The following MPPED2 variants were observed in gnomAD, a reference collection of about 807,000 sequenced individuals.
The protein encoded by MPPED2 is metallophosphoesterase domain containing 2.
In MPPED2, 5 loss-of-function variants were observed where a neutral mutation model predicts 33.0. The observed-to-expected ratio is 0.15, with a 90% CI of 0.08 to 0.32. The LOEUF is 0.32. Among genes scored for constraint, MPPED2 ranks in the 10% least tolerant of loss-of-function variants. The pLI is 1.00. For synonymous variants in MPPED2, 136 were observed against 141.9 expected (o/e 0.96, Z 0.29); for missense variants, 275 against 372.1 (o/e 0.74, Z 2.15).
At chr11:30,435,669 T>C (rs2133869449) in intron 4 of MPPED2, among the ~76,000 whole-genome samples, 1 of 152,260 alleles carries the variant, frequency 6.6e-6, no homozygotes, top group Non-Finnish European at 1.5e-5. Flanking sequence ...TCACATCCCT[T>C]CCCTAGACTG....
intron 2 of MPPED2, among the ~76,000 whole-genome samples, chr11:30,579,488 C>T (rs1239727602): frequency 6.6e-6 from 1 of 152,148 alleles, no homozygotes; most frequent in East Asian, 1.9e-4. Context: ...CTTCTGAAAG[C>T]CCAGCACATC....
intron 4 of MPPED2, among the ~76,000 whole-genome samples, chr11:30,428,077 C>T (rs1021510280): frequency 2.6e-5 from 4 of 152,086 alleles, no homozygotes; most frequent in East Asian, 3.9e-4. Flanking sequence ...AGCTGACATA[C>T]GGCCTGCCTT....
chr11:30,411,518 G>T lies in MPPED2; in HGVS notation c.835C>A (p.Pro279Thr). 1 of 1,614,018 alleles carries T rather than the reference G, an allele frequency of 6.2e-7. No individual in the cohort carries two copies. The highest frequency in any genetic ancestry group is 8.5e-7 in the Non-Finnish European group (1 of 1,179,900). ...NASTCTVSFQ[P>T]TNPPIIFDLP... ...TCAAATATAATTGGAGGGTTGGTCG[G>T]TTGAAAGCTGACTGTACACGTCGAG... The change falls in exon 7 of 7, where the codon CCG becomes ACG. Residue 279 changes from proline (P) to threonine (T), a missense_variant. Coordinates refer to ENST00000358117, the MANE Select transcript of MPPED2 (RefSeq NM_001584.3).
chr11:30,450,722 T>G (rs1950019071), intron 4 of MPPED2, among the ~76,000 whole-genome samples: 1 of 152,258 alleles, frequency 6.6e-6, no homozygotes, highest in South Asian at 2.1e-4. Context: ...TTTAAGAGTT[T>G]AACAGCATAT....
chr11:30,501,544 T>C (rs1952561397), intron 3 of MPPED2: 10 of 735,218 alleles, frequency 1.4e-5, no homozygotes, highest in Non-Finnish European at 1.7e-5. Flanking sequence ...ATCTCTGTCT[T>C]CCAGTATTTA....
intron 2 of MPPED2, among the ~76,000 whole-genome samples, chr11:30,540,596 A>G (rs1043364240): frequency 1.3e-5 from 2 of 152,164 alleles, no homozygotes; most frequent in Admixed American, 1.3e-4. Context: ...TATGACCTCC[A>G]TCTCTTTTTC....
intron 3 of MPPED2, among the ~76,000 whole-genome samples, chr11:30,512,673 A>T (rs1182930795): frequency 6.6e-6 from 1 of 152,034 alleles, no homozygotes; most frequent in Non-Finnish European, 1.5e-5. Context: ...TAGTTCCCAA[A>T]CCCGTTTGAT....
chr11:30,411,564 A>G lies in MPPED2; in HGVS notation c.789T>C (p.Gly263=). 1 of 1,613,616 alleles carries G rather than the reference A, an allele frequency of 6.2e-7. No homozygotes were observed. Among genetic ancestry groups the G allele is most frequent in the Non-Finnish European group, 8.5e-7 (1 of 1,179,628 alleles). ...TCGAGGCATTGATGTACGTTGTGTA[A>G]CCGTCGGTCATGATGCCATAACCTG... ...IHEGYGIMTD[G]YTTYINASTC... The change falls in exon 7 of 7, where the codon GGT becomes GGC. Residue 263 remains glycine (G), a synonymous_variant. Transcript: ENST00000358117.
chr11:30,560,208 A>C (rs201708372), intron 2 of MPPED2, among the ~76,000 whole-genome samples: 2 of 152,312 alleles, frequency 1.3e-5, no homozygotes, highest in East Asian at 3.9e-4. Flanking sequence ...GGAGAATCTT[A>C]CAATGACTTC....
intron 2 of MPPED2, among the ~76,000 whole-genome samples, chr11:30,571,289 G>A (rs1355861846): frequency 2.0e-5 from 3 of 151,724 alleles, no homozygotes; most frequent in Non-Finnish European, 4.4e-5. Flanking sequence ...CTGCAAAAAT[G>A]CATTTTCTTA....
At chr11:30,508,201 C>T (rs1342050154) in intron 3 of MPPED2, among the ~76,000 whole-genome samples, 3 of 152,100 alleles carry the variant, frequency 2.0e-5, no homozygotes, top group South Asian at 2.1e-4. Flanking sequence ...GTCTGCTGAA[C>T]GTTGTTCCAA....
chr11:30,479,422 A>C (rs1951377224), intron 4 of MPPED2, among the ~76,000 whole-genome samples: 1 of 152,132 alleles, frequency 6.6e-6, no homozygotes, highest in African/African-American at 2.4e-5. Flanking sequence ...AAGCAGAATA[A>C]TCTCTAGCAA....
intron 4 of MPPED2, chr11:30,429,401 T>C (rs992595950): frequency 6.6e-6 from 1 of 152,188 alleles, no homozygotes; most frequent in South Asian, 2.1e-4. Context: ...ATCTACCATT[T>C]TGGCTCTAAA....
chr11:30,388,821 A>T, exon 7 of MPPED2: 1 of 1,470,068 alleles, frequency 6.8e-7, no homozygotes, highest in Non-Finnish European at 9.0e-7. Context: ...TCATGCCAGG[A>T]TTGTAGCTCA....
intron 2 of MPPED2, among the ~76,000 whole-genome samples, chr11:30,538,685 G>A (rs1954938168): frequency 6.6e-6 from 1 of 152,064 alleles, no homozygotes; most frequent in South Asian, 2.1e-4. Context: ...TTTCTTCTCA[G>A]CTTTGAGTCC....
Position 30,545,122 on chromosome 11 carries a change from G to A in MPPED2, c.129-8947C>T, listed in dbSNP as rs144577027. 3.4e-3 allele frequency among the ~76,000 whole-genome samples: 517 copies of A among 152,250 alleles called. 1 individual carries two copies. Among genetic ancestry groups the A allele is most frequent in the African/African-American group, 9.6e-3 (397 of 41,544 alleles). On this transcript the variant is annotated intron_variant, in intron 2 of 6. Coordinates refer to ENST00000358117, the MANE Select transcript of MPPED2 (RefSeq NM_001584.3). ...CTCAGGGAGTCAGACTATGGGGCTT[G>A]AACCTGGAGGGCATGGAAAACATCT...
At chr11:30,487,560 C>A (rs888016295) in intron 4 of MPPED2, among the ~76,000 whole-genome samples, 6 of 152,172 alleles carry the variant, frequency 3.9e-5, no homozygotes, top group African/African-American at 1.4e-4. Flanking sequence ...CGGCTCATTG[C>A]AACATCGACC....
chr11:30,502,701 A>T (rs1290409821), intron 3 of MPPED2, among the ~76,000 whole-genome samples: 1 of 152,190 alleles, frequency 6.6e-6, no homozygotes, highest in East Asian at 1.9e-4. Context: ...AGGTAAAGAA[A>T]CAATGTGAAT....
chr11:30,520,625 T>C (rs1953818093), intron 3 of MPPED2, among the ~76,000 whole-genome samples: 1 of 152,202 alleles, frequency 6.6e-6, no homozygotes, highest in African/African-American at 2.4e-5. Flanking sequence ...AGTAAGTATT[T>C]GGAAATGAAG....
Sources: allele counts gnomAD v4.1 joint callset (sites outside exome capture counted in the v4.1 genomes callset), GRCh38; gene constraint gnomAD v4.1.1; transcripts MANE v1.5; gene names NCBI Gene and HGNC (gene_info 2026-07-23, HGNC 2026-07-21).